The following DLGAP4 variants were observed in gnomAD, a reference collection of about 807,000 sequenced individuals.
DLGAP4 encodes the protein DLG associated protein 4.
A neutral mutation model predicts 86.9 loss-of-function variants in DLGAP4; 18 were observed. That is an observed-to-expected ratio of 0.21 (90% confidence interval 0.14 to 0.31). DLGAP4 has a LOEUF of 0.31. Ranked by LOEUF, DLGAP4 falls within the 10% of genes least tolerant of loss-of-function variation. The pLI is 1.00. For synonymous variants in DLGAP4, 548 were observed against 574.3 expected (o/e 0.95, Z 0.65); for missense variants, 1,085 against 1,362.6 (o/e 0.80, Z 3.21).
chr20:36,525,415 C>G (rs982492001), intron 11 of DLGAP4: 10 of 226,656 alleles, frequency 4.4e-5, no homozygotes, highest in Non-Finnish European at 8.0e-5. Context: ...GTGTTTGTCT[C>G]CAAGACCTAC....
intron 7 of DLGAP4, among the ~76,000 whole-genome samples, chr20:36,480,681 G>A (rs2035146609): frequency 6.6e-6 from 1 of 152,138 alleles, no homozygotes; most frequent in African/African-American, 2.4e-5. Flanking sequence ...CTGTACTCCA[G>A]CCTAGGTGAC....
At chr20:36,476,159 A>G (rs2034906621) in intron 7 of DLGAP4, among the ~76,000 whole-genome samples, 1 of 151,428 alleles carries the variant, frequency 6.6e-6, no homozygotes. Flanking sequence ...CTTCTTAACC[A>G]TTTTTAAGTG....
chr20:36,449,679 G>C (rs531511819), intron 7 of DLGAP4, among the ~76,000 whole-genome samples: 12 of 152,308 alleles, frequency 7.9e-5, no homozygotes, highest in South Asian at 2.1e-4. Flanking sequence ...TGGAGGGATA[G>C]ACAGCACCCC....
Position 36,412,505 on chromosome 20 carries a change from G to T in DLGAP4, c.-72-19141G>T, listed in dbSNP as rs577835535. 3.3e-5 allele frequency among the ~76,000 whole-genome samples: 5 copies of T among 152,332 alleles called. No homozygotes were observed. The East Asian group carries it at 9.6e-4, about 29-fold the overall frequency. On this transcript the variant is annotated intron_variant, in intron 2 of 12. Transcript: ENST00000339266. ...GAAGCTCATTAGTGGCATGGGCTCT[G>T]GAGCCAAATTGCCTGGGTTCAAATC... is the stretch of plus-strand genomic sequence containing the variant.
chr20:36,310,572 A>T (rs2065045626), intron 1 of DLGAP4, among the ~76,000 whole-genome samples: 1 of 152,138 alleles, frequency 6.6e-6, no homozygotes, highest in Admixed American at 6.5e-5. Flanking sequence ...ATCTTGGGGC[A>T]TCTGGTGGGC....
chr20:36,521,896 C>G (rs200469212), intron 10 of DLGAP4, among the ~76,000 whole-genome samples: 1 of 152,156 alleles, frequency 6.6e-6, no homozygotes. Context: ...TGTCAGTTCC[C>G]TTTTAATTAC....
intron 7 of DLGAP4, among the ~76,000 whole-genome samples, chr20:36,475,693 TAACTC>T (rs959079746): frequency 6.6e-5 from 10 of 152,354 alleles, no homozygotes; most frequent in Admixed American, 3.3e-4. Context: ...CAAATACAGT[TAACTC>T]AAATCAGAAA....
At chr20:36,421,796 A>C (rs2032836555) in intron 2 of DLGAP4, among the ~76,000 whole-genome samples, 1 of 152,016 alleles carries the variant, frequency 6.6e-6, no homozygotes, top group Non-Finnish European at 1.5e-5. Flanking sequence ...TCTATCTTGG[A>C]CCTGTCAGAC....
chr20:36,497,660 G>A, intron 8 of DLGAP4: 1 of 985,212 alleles, frequency 1.0e-6, no homozygotes, highest in African/African-American at 1.7e-5. Context: ...CGGTCTCACT[G>A]CCTCCCTCCA....
intron 2 of DLGAP4, among the ~76,000 whole-genome samples, chr20:36,388,268 G>A (rs1569482030): frequency 6.6e-6 from 1 of 152,156 alleles, no homozygotes; most frequent in Admixed American, 6.5e-5. Context: ...GCATGACACT[G>A]TCAGGCATCT....
chr20:36,350,196 C>T lies in DLGAP4; in HGVS notation c.-303-16849C>T, dbSNP rs1468826618. Reference sequence around the variant, plus strand: ...GGCGGGTGCCAAGCCTGGATCGTCCCCCGAGCTCAGCTTGCCCTTAGGCCC... The same window carrying T: ...GGCGGGTGCCAAGCCTGGATCGTCCTCCGAGCTCAGCTTGCCCTTAGGCCC... On this transcript the variant is annotated intron_variant, in intron 1 of 12. Coordinates refer to ENST00000339266, the MANE Select transcript of DLGAP4 (RefSeq NM_001365621.2). The surrounding 1 kb of genome is among the most constrained non-coding windows in gnomAD (Gnocchi z 4.4). 6.6e-6 allele frequency among the ~76,000 whole-genome samples: 1 copy of T among 152,232 alleles called. No homozygotes were observed. Among genetic ancestry groups the T allele is most frequent in the Admixed American group, 6.5e-5 (1 of 15,288 alleles).
At chr20:36,359,114 T>A (rs2030430031) in intron 1 of DLGAP4, among the ~76,000 whole-genome samples, 1 of 152,160 alleles carries the variant, frequency 6.6e-6, no homozygotes, top group Non-Finnish European at 1.5e-5. Context: ...TTTTGTATTT[T>A]ATTTAATTTT....
chr20:36,489,531 C>G (rs776223136), intron 7 of DLGAP4, among the ~76,000 whole-genome samples: 1 of 152,090 alleles, frequency 6.6e-6, no homozygotes, highest in Non-Finnish European at 1.5e-5. Context: ...AATGCCCCCA[C>G]TGAAGGGTTT....
At chr20:36,499,757 C>A in intron 9 of DLGAP4, 81 bp downstream of exon 9, 1 of 1,330,880 alleles carries the variant, frequency 7.5e-7, no homozygotes, top group South Asian at 1.3e-5. Flanking sequence ...CTCCCTAACC[C>A]ACTTCTCCTT....
chr20:36,396,367 T>TGCA (rs2031962082), intron 2 of DLGAP4, among the ~76,000 whole-genome samples: 1 of 3,168 alleles, frequency 3.2e-4, no homozygotes, highest in Non-Finnish European at 6.0e-4. Flanking sequence ...CACACGCACA[T>TGCA]ACACACACCC....
chr20:36,326,305 A>G (rs2065215303), intron 1 of DLGAP4, among the ~76,000 whole-genome samples: 2 of 151,692 alleles, frequency 1.3e-5, no homozygotes, highest in African/African-American at 4.8e-5. Flanking sequence ...CTCTTTTCTT[A>G]TTTTTCTGCT....
chr20:36,500,644 G>A lies in DLGAP4; in HGVS notation c.2512+33G>A. On this transcript the variant is annotated intron_variant, in intron 10 of 12. Transcript: ENST00000339266. This position sits in a 1 kb window ranked among gnomAD's most constrained non-coding sequence, Gnocchi z 4.6. ...CCACATGGATGGTCCTTGGGCAAGG[G>A]TAGAAGGTGTTGGCAGCTGGTTTCA... The A allele has an allele frequency of 4.9e-6, 7 of 1,428,846 alleles. No homozygotes were observed. The highest frequency in any genetic ancestry group is 6.4e-6 in the Non-Finnish European group (7 of 1,089,050). The allele number at this position is 1,428,846 out of a possible 1,614,324, so 88.5% of individuals were successfully genotyped here.
At chr20:36,467,019 T>TC (rs2034415496) in intron 7 of DLGAP4, among the ~76,000 whole-genome samples, 2 of 6,478 alleles carry the variant, frequency 3.1e-4, no homozygotes, top group Admixed American at 1.5e-3. Context: ...CTCTCTCTCC[T>TC]CTCTCTCTCT....
intron 7 of DLGAP4, chr20:36,492,939 C>T (rs1316370026): frequency 2.0e-5 from 3 of 152,220 alleles, no homozygotes; most frequent in Non-Finnish European, 2.9e-5. Flanking sequence ...TCTAAACAAA[C>T]GTCCAGGTCT....
Sources: allele counts gnomAD v4.1 joint callset (sites outside exome capture counted in the v4.1 genomes callset), GRCh38; gene constraint gnomAD v4.1.1; non-coding constraint Gnocchi (gnomAD v3.1); transcripts MANE v1.5; gene names NCBI Gene and HGNC (gene_info 2026-07-23, HGNC 2026-07-21).